SESTD1: variants seen among roughly 807,000 people sequenced by gnomAD.
SESTD1 encodes the protein SEC14 domain and spectrin repeat-containing protein 1.
In SESTD1, 43 loss-of-function variants were observed where a neutral mutation model predicts 101.7. The observed-to-expected ratio is 0.42, with a 90% CI of 0.33 to 0.55. SESTD1 has a LOEUF of 0.55. Among genes scored for constraint, SESTD1 ranks in the 20% least tolerant of loss-of-function variants. The pLI, the probability that SESTD1 is intolerant of heterozygous loss-of-function variation, is 0.07. For missense variants in SESTD1, 647 were observed against 815.1 expected, an observed-to-expected ratio of 0.79 and a Z score of 2.51; for synonymous variants, 283 against 286.8, an observed-to-expected ratio of 0.99 and a Z score of 0.13.
At chr2:179,111,717 TTC>T (rs1491570383) in intron 17 of SESTD1, among the ~76,000 whole-genome samples, 1 of 151,110 alleles carries the variant, frequency 6.6e-6, no homozygotes, top group Non-Finnish European at 1.5e-5. Flanking sequence ...CTCCTCCTGA[TTC>T]TTTTTTTTTT....
chr2:179,205,063 A>T (rs1404577478), intron 1 of SESTD1, among the ~76,000 whole-genome samples: 1 of 134,514 alleles, frequency 7.4e-6, no homozygotes, highest in African/African-American at 2.9e-5. Flanking sequence ...CAATTCTGTA[A>T]ATTATACAAA....
At chr2:179,226,916 A>AG (rs1360321719) in intron 1 of SESTD1, among the ~76,000 whole-genome samples, 1 of 152,218 alleles carries the variant, frequency 6.6e-6, no homozygotes, top group Non-Finnish European at 1.5e-5. Context: ...ATACAGAGGA[A>AG]GCAGGAGAAA....
At chr2:179,185,721 G>GTATATTATATACAATATATAATATAA (rs2046212896) in intron 2 of SESTD1, among the ~76,000 whole-genome samples, 1 of 111,566 alleles carries the variant, frequency 9.0e-6, no homozygotes, top group Non-Finnish European at 1.7e-5. Flanking sequence ...ATATAATATA[G>GTATATTATATACAATATATAATATAA]CATATTATAT....
chr2:179,116,058 G>T (rs575959187), intron 15 of SESTD1, among the ~76,000 whole-genome samples: 1 of 152,236 alleles, frequency 6.6e-6, no homozygotes, highest in Admixed American at 6.5e-5. Flanking sequence ...TGGATCGCTT[G>T]AGGTCAGGAG....
intron 1 of SESTD1, among the ~76,000 whole-genome samples, chr2:179,256,593 A>G: frequency 6.6e-6 from 1 of 152,166 alleles, no homozygotes; most frequent in East Asian, 1.9e-4. Flanking sequence ...CAGGCAGATC[A>G]CGAGGTCAGG....
chr2:179,159,806 G>A (rs1390921734), intron 5 of SESTD1, among the ~76,000 whole-genome samples: 1 of 152,062 alleles, frequency 6.6e-6, no homozygotes, highest in Non-Finnish European at 1.5e-5. Flanking sequence ...TTATCTTATT[G>A]GAAATGTTCT....
At chr2:179,229,510 C>CA (rs1328357119) in intron 1 of SESTD1, among the ~76,000 whole-genome samples, 5 of 151,574 alleles carry the variant, frequency 3.3e-5, no homozygotes, top group South Asian at 2.1e-4. Flanking sequence ...CAGTTTCTTA[C>CA]AAAAAAATCT....
chr2:179,242,004 A>G (rs1489757878), intron 1 of SESTD1, among the ~76,000 whole-genome samples: 1 of 152,058 alleles, frequency 6.6e-6, no homozygotes, highest in African/African-American at 2.4e-5. Flanking sequence ...TAAGAGGCAT[A>G]TATGTAAGAA....
At chr2:179,135,107 G>C (rs997446552) in intron 9 of SESTD1, among the ~76,000 whole-genome samples, 5 of 151,960 alleles carry the variant, frequency 3.3e-5, no homozygotes, top group Admixed American at 3.3e-4. Context: ...ACCACACCTG[G>C]CTAATTTTTC....
At chr2:179,224,990 C>T (rs2046863704) in intron 1 of SESTD1, among the ~76,000 whole-genome samples, 1 of 152,004 alleles carries the variant, frequency 6.6e-6, no homozygotes, top group Non-Finnish European at 1.5e-5. Context: ...TCACGGGAAC[C>T]CCAATTTATA....
intron 2 of SESTD1, among the ~76,000 whole-genome samples, chr2:179,188,534 A>T (rs1384210085): frequency 6.6e-6 from 1 of 152,144 alleles, no homozygotes; most frequent in Non-Finnish European, 1.5e-5. Flanking sequence ...GCTAATTGTC[A>T]GGGCTGAGGC....
chr2:179,177,231 G>A (rs756200733), intron 3 of SESTD1, among the ~76,000 whole-genome samples: 5 of 152,202 alleles, frequency 3.3e-5, no homozygotes, highest in South Asian at 2.1e-4. Flanking sequence ...CTAGTAAAAC[G>A]CAACAACTTC....
intron 11 of SESTD1, among the ~76,000 whole-genome samples, 185 bp downstream of exon 11, chr2:179,124,179 A>G (rs778611638): frequency 6.6e-5 from 10 of 152,224 alleles, no homozygotes; most frequent in Non-Finnish European, 1.5e-4. Flanking sequence ...AATTGCATGC[A>G]GAATGACTTA....
At chr2:179,175,607 T>C (rs2045997839) in intron 4 of SESTD1, among the ~76,000 whole-genome samples, 1 of 152,224 alleles carries the variant, frequency 6.6e-6, no homozygotes, top group East Asian at 1.9e-4. Context: ...GAAGGCCCTC[T>C]TGACTTTCAT....
intron 5 of SESTD1, among the ~76,000 whole-genome samples, chr2:179,163,325 T>C (rs1218423446): frequency 6.6e-6 from 1 of 152,180 alleles, no homozygotes; most frequent in Non-Finnish European, 1.5e-5. Context: ...AATTTAAGAA[T>C]GTGGAGTGGA....
chr2:179,132,450 A>AT (rs3214766), intron 9 of SESTD1, 24 bp from the exon 10 acceptor site: 5 of 1,544,904 alleles, frequency 3.2e-6, no homozygotes, highest in Non-Finnish European at 4.3e-6. Flanking sequence ...TTGAGATAAC[A>AT]TTTTTTAAAG....
chr2:179,174,942 TAAA>T lies in SESTD1; in HGVS notation c.255+1503_255+1505del, dbSNP rs71401720. On this transcript the variant is annotated intron_variant, in intron 4 of 17. Coordinates refer to ENST00000428443, the MANE Select transcript of SESTD1 (RefSeq NM_178123.5). ...TGAGTGACAAAGTGAGTCCCTGATA[TAAA>T]AAAAAAAAAAAAAAGGTGGGATGGG... Among the ~76,000 whole-genome samples, 1,055 of 130,820 alleles carry T rather than the reference TAAA, an allele frequency of 8.1e-3. 6 individuals are homozygous for T. Among genetic ancestry groups the T allele is most frequent in the Non-Finnish European group, 0.013 (777 of 61,620 alleles). The allele number at this position is 130,820 out of a possible 152,430, so 85.8% of individuals were successfully genotyped here.
intron 3 of SESTD1, among the ~76,000 whole-genome samples, chr2:179,182,781 C>T (rs1187325582): frequency 6.6e-6 from 1 of 152,066 alleles, no homozygotes; most frequent in African/African-American, 2.4e-5. Flanking sequence ...ATGTTTTCTA[C>T]TGATTAAATT....
At chr2:179,116,512 G>A in intron 15 of SESTD1, 156 bp downstream of exon 15, 1 of 1,177,930 alleles carries the variant, frequency 8.5e-7, no homozygotes, top group Non-Finnish European at 1.2e-6. Context: ...ATGCAGGCTA[G>A]TTTTGATGCA....
Sources: allele counts gnomAD v4.1 joint callset (sites outside exome capture counted in the v4.1 genomes callset), GRCh38; gene constraint gnomAD v4.1.1; transcripts MANE v1.5; gene names NCBI Gene and HGNC (gene_info 2026-07-23, HGNC 2026-07-21).